PKHD1: variants seen among roughly 807,000 people sequenced by gnomAD.
The protein encoded by PKHD1 is fibrocystin.
PKHD1 carries 291 observed loss-of-function variants against 412.0 expected under a neutral mutation model. The observed-to-expected ratio is 0.71, with a 90% confidence interval of 0.64 to 0.78. The LOEUF (loss-of-function observed/expected upper bound fraction) is 0.78. Among genes scored for constraint, PKHD1 ranks in the 30% least tolerant of loss-of-function variants. The pLI is 0.00. For synonymous variants in PKHD1, 1,777 were observed against 1,821.5 expected, an observed-to-expected ratio of 0.98 and a Z score of 0.62; for missense variants, 4,825 against 4,950.7, an observed-to-expected ratio of 0.97 and a Z score of 0.76.
intron 60 of PKHD1, among the ~76,000 whole-genome samples, chr6:51,694,038 G>C (rs1002381566): frequency 6.6e-6 from 1 of 151,944 alleles, no homozygotes; most frequent in Non-Finnish European, 1.5e-5. Flanking sequence ...GTAGCATTGA[G>C]TGCTGAGTCC....
intron 39 of PKHD1, among the ~76,000 whole-genome samples, chr6:51,910,686 C>A (rs1431571808): frequency 7.2e-5 from 11 of 152,120 alleles, no homozygotes; most frequent in Non-Finnish European, 1.6e-4. Flanking sequence ...AAAATATGAT[C>A]TCAGAATACC....
At chr6:51,904,829 C>A (rs567540064) in intron 41 of PKHD1, among the ~76,000 whole-genome samples, 1 of 152,316 alleles carries the variant, frequency 6.6e-6, no homozygotes, top group South Asian at 2.1e-4. Flanking sequence ...ATACCTTTCT[C>A]AATTTCTCCT....
intron 35 of PKHD1, among the ~76,000 whole-genome samples, chr6:51,992,361 G>A (rs1013631364): frequency 1.3e-5 from 2 of 152,028 alleles, no homozygotes; most frequent in Non-Finnish European, 2.9e-5. Flanking sequence ...CCAAAACAGC[G>A]ATTACATACT....
chr6:51,686,228 A>G (rs1001388691), intron 60 of PKHD1, among the ~76,000 whole-genome samples: 3 of 152,154 alleles, frequency 2.0e-5, no homozygotes, highest in African/African-American at 4.8e-5. Context: ...TCATCCTTCT[A>G]CTGTTTATAT....
Position 52,064,992 on chromosome 6 carries a change from A to C in PKHD1, c.939T>G (p.Ala313=), listed in dbSNP as rs1399301994. The C allele has an allele frequency of 6.2e-7, 1 of 1,604,580 alleles. No homozygotes were observed. The change falls in exon 13 of 67, where the codon GCT becomes GCG. Residue 313 remains alanine, a synonymous_variant. Transcript: ENST00000371117. ...TGGTGAGCCTCACATCTTTTCCTGG[A>C]GCCCGAGTGGTGCACTCAATCTTCC... ...SPRKIECTTR[A]PGKDVRLTTP...
At position 51,960,041 on chromosome 6, in the gene PKHD1, G is replaced by A; in HGVS notation, c.5752-15C>T. The A allele has an allele frequency of 1.2e-6, 2 of 1,613,002 alleles. No individual in the cohort carries two copies. The highest frequency in any genetic ancestry group is 1.1e-5 in the South Asian group (1 of 91,054). On this transcript the variant is annotated splice_polypyrimidine_tract_variant and intron_variant, in intron 35 of 66. Transcript: ENST00000371117. ...GAAAAGTTGCCCTGGAAAACAGAGA[G>A]CTGGGTTGGTGGGTTGGTTGGTTGG...
chr6:51,944,812 G>T (rs931756709), intron 36 of PKHD1, among the ~76,000 whole-genome samples: 1 of 152,160 alleles, frequency 6.6e-6, no homozygotes, highest in Non-Finnish European at 1.5e-5. Context: ...AACCCACCGG[G>T]TGATTATATC....
intron 35 of PKHD1, among the ~76,000 whole-genome samples, chr6:51,968,251 A>G (rs1266904): frequency 0.65 from 98,440 of 152,080 alleles, 32,058 homozygotes; most frequent in Admixed American, 0.71. Flanking sequence ...ATTTTTTTAC[A>G]GAAACAAACA....
At chr6:51,706,264 T>C (rs1007016675) in intron 60 of PKHD1, among the ~76,000 whole-genome samples, 2 of 152,146 alleles carry the variant, frequency 1.3e-5, no homozygotes, top group Non-Finnish European at 2.9e-5. Context: ...GGAACAGTGT[T>C]GTTGACTTAC....
intron 36 of PKHD1, among the ~76,000 whole-genome samples, chr6:51,944,087 TA>T (rs60537754): frequency 0.015 from 2,338 of 152,258 alleles, 61 homozygotes; most frequent in African/African-American, 0.052. Context: ...AAGTGATATT[TA>T]AATGGCCTGT....
chr6:51,765,304 AC>A (rs1301390762), intron 55 of PKHD1, among the ~76,000 whole-genome samples: 1 of 151,862 alleles, frequency 6.6e-6, no homozygotes, highest in African/African-American at 2.4e-5. Flanking sequence ...TGTTATCTCC[AC>A]AATCCATCAT....
intron 60 of PKHD1, among the ~76,000 whole-genome samples, chr6:51,738,598 G>A (rs1163344835): frequency 6.6e-6 from 1 of 152,182 alleles, no homozygotes; most frequent in Non-Finnish European, 1.5e-5. Context: ...ATGTGTAAGA[G>A]TATCAAAACA....
At chr6:52,015,553 A>G (rs1800415533) in intron 34 of PKHD1, among the ~76,000 whole-genome samples, 1 of 152,178 alleles carries the variant, frequency 6.6e-6, no homozygotes. Flanking sequence ...GGCCGAGTGC[A>G]GTGGCTCACG....
chr6:51,919,789 T>C (rs1784406779), intron 37 of PKHD1, among the ~76,000 whole-genome samples: 1 of 152,250 alleles, frequency 6.6e-6, no homozygotes, highest in East Asian at 1.9e-4. Context: ...TTTGTTTGTG[T>C]CCTCTTTGAT....
intron 52 of PKHD1, among the ~76,000 whole-genome samples, chr6:51,800,125 C>T (rs1055200829): frequency 6.6e-6 from 1 of 152,178 alleles, no homozygotes; most frequent in Admixed American, 6.6e-5. Context: ...GCTTTTCCCC[C>T]CAAAGGGGCT....
At position 52,026,097 on chromosome 6, in the gene PKHD1, T is replaced by G; in HGVS notation, c.3713A>C (p.Asp1238Ala). ...GCTCGCCTCCGTTAAGTTCACAATG[T>G]CACAGGACCGATTGCCCACAAGTAC... The part of the protein sequence containing the change: ...VWVLVGNRSC[D>A]IVNLTEASIW... The change falls in exon 32 of 67, where the codon GAC becomes GCC. Residue 1238 changes from aspartate (D) to alanine (A), a missense_variant. Physicochemically the swap from Asp to Ala is moderately radical, Grantham distance 126. Transcript: ENST00000371117. 1 of 1,614,198 alleles carries G rather than the reference T, an allele frequency of 6.2e-7. No homozygotes were observed.
At chr6:51,733,800 G>A in intron 60 of PKHD1, among the ~76,000 whole-genome samples, 1 of 152,104 alleles carries the variant, frequency 6.6e-6, no homozygotes, top group East Asian at 1.9e-4. Context: ...CATGCCAAAA[G>A]GCAAACTAGG....
chr6:51,644,363 A>G (rs189604215), intron 63 of PKHD1, among the ~76,000 whole-genome samples: 8 of 152,344 alleles, frequency 5.3e-5, no homozygotes, highest in South Asian at 2.1e-4. Context: ...AATGTGCACC[A>G]TATGATAGGA....
Position 52,050,239 on chromosome 6 carries a change from A to T in PKHD1, c.2197T>A (p.Ser733Thr), listed in dbSNP as rs769038380. 1 of 1,614,078 alleles carries T rather than the reference A, an allele frequency of 6.2e-7. No homozygotes were observed. Among genetic ancestry groups the T allele is most frequent in the African/African-American group, 1.3e-5 (1 of 74,952 alleles). The change falls in exon 22 of 67, where the codon TCT (serine) becomes ACT (threonine). Residue 733 changes from serine (S) to threonine (T), a missense_variant. Physicochemically the swap from Ser to Thr is moderately conservative, Grantham distance 58. Transcript: ENST00000371117. ...RPGGNLVESV[S>T]VVGSPPVYSV... ...TAGACCGGAGGGGATCCCACCACAG[A>T]GACTGATTCCACCAGATTGCCCCCT... is the stretch of plus-strand genomic sequence containing the variant.
Sources: allele counts gnomAD v4.1 joint callset (sites outside exome capture counted in the v4.1 genomes callset), GRCh38; gene constraint gnomAD v4.1.1; transcripts MANE v1.5; gene names NCBI Gene and HGNC (gene_info 2026-07-23, HGNC 2026-07-21).